The following OR4F15 variants were observed in gnomAD, a reference collection of about 807,000 sequenced individuals.
The protein encoded by OR4F15 is olfactory receptor 4F15.
OR4F15 carries 7 observed loss-of-function variants against 11.9 expected under a neutral mutation model. That is an observed-to-expected ratio of 0.59 (90% CI 0.33 to 1.10). OR4F15 has a LOEUF of 1.10. OR4F15 is among the 50% of genes least tolerant of loss of function. The pLI is 0.03. For missense variants in OR4F15, 445 were observed against 377.5 expected (o/e 1.18, Z -1.48); for synonymous variants, 151 against 134.6 (o/e 1.12, Z -0.84).
intron 1 of OR4F15, among the ~76,000 whole-genome samples, chr15:101,813,752 A>G (rs1269141398): frequency 6.6e-6 from 1 of 152,214 alleles, no homozygotes; most frequent in Non-Finnish European, 1.5e-5. Flanking sequence ...CCCAATTCCG[A>G]TCCCATGCAA....
intron 1 of OR4F15, among the ~76,000 whole-genome samples, chr15:101,815,245 A>G (rs948487509): frequency 1.3e-5 from 2 of 152,122 alleles, no homozygotes; most frequent in Admixed American, 6.6e-5. Flanking sequence ...TCACCTTTAT[A>G]TCATCTCTAA....
intron 1 of OR4F15, among the ~76,000 whole-genome samples, chr15:101,815,199 A>G (rs993888490): frequency 2.6e-5 from 4 of 152,268 alleles, no homozygotes; most frequent in Non-Finnish European, 5.9e-5. Flanking sequence ...CATTTTATCT[A>G]TGTTCAATTT....
At position 101,819,088 on chromosome 15, in the gene OR4F15, T is replaced by C. The variant is rs765745294; in HGVS notation, c.902T>C (p.Leu301Pro). Residue 301 changes from leucine to proline, a missense_variant, in exon 2 of 2, where the codon CTG (leucine) becomes CCG (proline). By Grantham distance (98) the Leu-to-Pro change is moderately conservative. Transcript: ENST00000332238. ...NKDMKVAMRR[L>P]CSRLAHFTKI... The stretch of plus-strand genomic sequence containing the variant: ...GACATGAAAGTGGCAATGAGGAGAC[T>C]GTGCAGTCGTCTTGCGCATTTTACA... The C allele has an allele frequency of 8.7e-6, 14 of 1,612,600 alleles. No individual in the cohort carries two copies. The highest frequency in any genetic ancestry group is 1.2e-5 in the Non-Finnish European group (14 of 1,179,052).
chr15:101,817,984 TAGC>T (rs1257887874), intron 1 of OR4F15, among the ~76,000 whole-genome samples, 163 bp from the exon 2 acceptor site: 1 of 152,148 alleles, frequency 6.6e-6, no homozygotes, highest in Non-Finnish European at 1.5e-5. Context: ...TAATGCCAAA[TAGC>T]AGCCAGCTGA....
rs1223424877 is a variant in OR4F15 at position 101,818,216 on chromosome 15, A to G, written c.30A>G (p.Ser10=). The stretch of plus-strand genomic sequence containing the variant: ...ATGGAATGAATCACTCTGTGGTATC[A>G]GAATTTGTATTCATGGGACTCACCA... MNGMNHSVV[S]EFVFMGLTNS... Residue 10 remains serine, a synonymous_variant, in exon 2 of 2, where the codon TCA becomes TCG. Coordinates refer to ENST00000332238, the MANE Select transcript of OR4F15 (RefSeq NM_001001674.2). 2 of 1,612,560 alleles carry G rather than the reference A, an allele frequency of 1.2e-6. No individual in the cohort carries two copies. Among genetic ancestry groups the G allele is most frequent in the South Asian group, 1.1e-5 (1 of 90,920 alleles).
At chr15:101,817,942 A>G (rs918983557) in intron 1 of OR4F15, among the ~76,000 whole-genome samples, 10 of 152,172 alleles carry the variant, frequency 6.6e-5, no homozygotes, top group Non-Finnish European at 8.8e-5. Context: ...CTAAGGATGG[A>G]ATTAATTTAG....
chr15:101,817,636 A>G (rs1202663463), intron 1 of OR4F15, among the ~76,000 whole-genome samples: 1 of 152,214 alleles, frequency 6.6e-6, no homozygotes, highest in Non-Finnish European at 1.5e-5. Context: ...GATTTTGAGA[A>G]TTAGATTTTG....
chr15:101,816,897 T>C (rs1291562381), intron 1 of OR4F15, among the ~76,000 whole-genome samples: 1 of 152,186 alleles, frequency 6.6e-6, no homozygotes, highest in Non-Finnish European at 1.5e-5. Flanking sequence ...AGAGTGCAGA[T>C]ACAGACACTG....
intron 1 of OR4F15, 100 bp downstream of exon 1, chr15:101,812,372 A>G (rs1377875320): frequency 2.0e-5 from 3 of 152,202 alleles, no homozygotes; most frequent in Non-Finnish European, 2.9e-5. Flanking sequence ...GGAAAGGGAG[A>G]ACAAGAATTA....
In OR4F15 at chr15:101,814,162, G is replaced by A. The variant is rs145645168; in HGVS notation, c.-38+1890G>A. ...TATTATTTTCTCATCTTTGCTTTAT[G>A]AGGGATTGTGAAGTAGGTAAATTTT... On this transcript the variant is annotated intron_variant, in intron 1 of 1. Coordinates refer to ENST00000332238, the MANE Select transcript of OR4F15 (RefSeq NM_001001674.2). Among the ~76,000 whole-genome samples, 128 of 152,316 alleles carry A rather than the reference G, an allele frequency of 8.4e-4. 1 individual carries two copies. Among genetic ancestry groups the A allele is most frequent in the African/African-American group, 2.9e-3 (119 of 41,570 alleles).
In OR4F15 at chr15:101,818,695, G is replaced by T; in HGVS notation, c.509G>T (p.Gly170Val). Residue 170 changes from glycine (G) to valine (V), a missense_variant, in exon 2 of 2, where the codon GGT (glycine) becomes GTT (valine). Gly to Val is a moderately radical substitution (Grantham distance 109). Transcript: ENST00000332238. ...LVFVVDLPFC[G>V]PNIFDSFYCD... ...TTTGTGGTAGATTTACCTTTTTGTG[G>T]TCCTAATATCTTTGACAGTTTTTAC... 1 of 1,614,010 alleles carries T rather than the reference G, an allele frequency of 6.2e-7. No homozygotes were observed. Among genetic ancestry groups the T allele is most frequent in the African/African-American group, 1.3e-5 (1 of 75,010 alleles).
chr15:101,815,648 G>A (rs1902975997), intron 1 of OR4F15, among the ~76,000 whole-genome samples: 2 of 152,192 alleles, frequency 1.3e-5, no homozygotes, highest in Admixed American at 6.5e-5. Context: ...CACAAAAATT[G>A]CATTTGCTGT....
intron 1 of OR4F15, among the ~76,000 whole-genome samples, 152 bp from the exon 2 acceptor site, chr15:101,817,998 C>A (rs1903019661): frequency 6.6e-6 from 1 of 152,152 alleles, no homozygotes; most frequent in African/African-American, 2.4e-5. Flanking sequence ...AGCCAGCTGA[C>A]CCCTCTAAGT....
At chr15:101,815,379 C>T (rs1243924671) in intron 1 of OR4F15, among the ~76,000 whole-genome samples, 1 of 152,024 alleles carries the variant, frequency 6.6e-6, no homozygotes, top group African/African-American at 2.4e-5. Flanking sequence ...TACAAAGAAT[C>T]ATGGTATGTG....
At position 101,818,627 on chromosome 15, in the gene OR4F15, T is replaced by G; in HGVS notation, c.441T>G (p.Thr147=). 6.2e-7 allele frequency: 1 copy of G among 1,614,206 alleles called. No individual in the cohort carries two copies. Among genetic ancestry groups the G allele is most frequent in the Non-Finnish European group, 8.5e-7 (1 of 1,180,018 alleles). Residue 147 remains threonine, a synonymous_variant, in exon 2 of 2, where the codon ACT becomes ACG. Transcript: ENST00000332238. Reference sequence around the variant, plus strand: ...GAATGTGTCTATACTTTTTAGCCACTTCCTCTATCATTGGCCTTATCCACT... The same window carrying G: ...GAATGTGTCTATACTTTTTAGCCACGTCCTCTATCATTGGCCTTATCCACT... ...SPRMCLYFLA[T]SSIIGLIHSL...
Position 101,818,640 on chromosome 15 carries a change from G to A in OR4F15, c.454G>A (p.Gly152Ser). Residue 152 changes from glycine (G) to serine (S), a missense_variant, in exon 2 of 2, where the codon GGC becomes AGC. Gly to Ser is a moderately conservative substitution (Grantham distance 56). Transcript: ENST00000332238. ...LYFLATSSII[G>S]LIHSLVQLVF... ...CTTTTTAGCCACTTCCTCTATCATTGGCCTTATCCACTCATTGGTCCAATT... is the reference window on the plus strand; with the variant it reads ...CTTTTTAGCCACTTCCTCTATCATTAGCCTTATCCACTCATTGGTCCAATT... 1.9e-6 allele frequency: 3 copies of A among 1,613,984 alleles called. No individual in the cohort carries two copies. Among genetic ancestry groups the A allele is most frequent in the Non-Finnish European group, 1.7e-6 (2 of 1,179,940 alleles).
chr15:101,819,097 G>T lies in OR4F15; in HGVS notation c.911G>T (p.Arg304Leu), dbSNP rs199912241. 1 of 1,608,780 alleles carries T rather than the reference G, an allele frequency of 6.2e-7. No individual in the cohort carries two copies. The highest frequency in any genetic ancestry group is 2.2e-5 in the East Asian group (1 of 44,760). Residue 304 changes from arginine to leucine, a missense_variant, in exon 2 of 2, where the codon CGT becomes CTT. Physicochemically the swap from Arg to Leu is moderately radical, Grantham distance 102 (BLOSUM62 -2). Coordinates refer to ENST00000332238, the MANE Select transcript of OR4F15 (RefSeq NM_001001674.2). ...MKVAMRRLCS[R>L]LAHFTKIL ...GTGGCAATGAGGAGACTGTGCAGTC[G>T]TCTTGCGCATTTTACAAAGATTTTG...
rs185444040 is a variant in OR4F15, at chr15:101,814,488, C to T, written c.-38+2216C>T. 9.7e-4 allele frequency among the ~76,000 whole-genome samples: 147 copies of T among 152,160 alleles called. 1 individual carries two copies. The highest frequency in any genetic ancestry group is 4.4e-3 in the South Asian group (21 of 4,810). On this transcript the variant is annotated intron_variant, in intron 1 of 1. Transcript: ENST00000332238. Reference sequence around the variant, plus strand: ...AAAACAAGGGACTTTAGTATCTTAACCTAAAGGAAAACAACTCTAATGCTG... The same window carrying T: ...AAAACAAGGGACTTTAGTATCTTAATCTAAAGGAAAACAACTCTAATGCTG...
chr15:101,819,469 C>G lies in OR4F15; in HGVS notation c.*344C>G. On this transcript the variant is annotated 3_prime_UTR_variant, in exon 2 of 2. Transcript: ENST00000332238. ...TTGATAGACAAACTACACATTCAAT[C>G]TGTTTACCACCTAACTCCTATTTAT... 1 of 187,498 alleles carries G rather than the reference C, an allele frequency of 5.3e-6. No individual in the cohort carries two copies. The allele number at this position is 187,498 out of a possible 1,614,324, so 11.6% of individuals were successfully genotyped here. A position where few individuals can be genotyped will look rare whatever the true frequency, so the allele number is the denominator to read the frequency against.
Sources: allele counts gnomAD v4.1 joint callset (sites outside exome capture counted in the v4.1 genomes callset), GRCh38; gene constraint gnomAD v4.1.1; transcripts MANE v1.5; gene names NCBI Gene and HGNC (gene_info 2026-07-23, HGNC 2026-07-21).